The following KIRREL3 variants were observed in gnomAD, a reference collection of about 807,000 sequenced individuals.
The protein encoded by KIRREL3 is kirre like nephrin family adhesion molecule 3.
Under a neutral mutation model 89.7 loss-of-function variants are expected in KIRREL3, and 36 were observed. The ratio of observed to expected loss-of-function variants is 0.40; its 90% CI spans 0.31 to 0.53. The LOEUF is 0.53. Ranked by LOEUF, KIRREL3 falls within the 20% of genes least tolerant of loss-of-function variation. The pLI is 0.49. For missense variants in KIRREL3, 864 were observed against 1,056.6 expected (o/e 0.82, Z 2.53); for synonymous variants, 445 against 441.4 (o/e 1.01, Z -0.10).
At position 126,710,732 on chromosome 11, in the gene KIRREL3, T is replaced by C. The variant is rs1412550038; in HGVS notation, c.56-147820A>G. ...TAAGTGTCTCAAATAAAGTTTTGTT[T>C]TAGGCTAAATAAGAAAAGTGATACC... is the stretch of plus-strand genomic sequence containing the variant. On this transcript the variant is annotated intron_variant, in intron 1 of 16. Transcript: ENST00000525144. This position sits in a 1 kb window ranked among gnomAD's most constrained non-coding sequence, Gnocchi z 4.2. 6.6e-6 allele frequency among the ~76,000 whole-genome samples: 1 copy of C among 152,150 alleles called. No individual in the cohort carries two copies. Among genetic ancestry groups the C allele is most frequent in the East Asian group, 1.9e-4 (1 of 5,188 alleles).
rs1420842427 is a variant in KIRREL3 at position 126,807,991 on chromosome 11, T to TTA, written c.55+192463_55+192464insTA. ...TGGTGTTATTTTTCCCAAATGCACA[T>TTA]TTGTGTGAGGCTCAGCACTGGATAA... is the stretch of plus-strand genomic sequence containing the variant. On this transcript the variant is annotated intron_variant, in intron 1 of 16. Transcript: ENST00000525144. This position sits in a 1 kb window ranked among gnomAD's most constrained non-coding sequence, Gnocchi z 4.3. Among the ~76,000 whole-genome samples the TTA allele has an allele frequency of 1.4e-4, 22 of 152,246 alleles. No homozygotes were observed. Among genetic ancestry groups the TTA allele is most frequent in the Non-Finnish European group, 2.4e-4 (16 of 68,042 alleles).
rs1173979282 is a variant in KIRREL3 at position 126,635,254 on chromosome 11, G to T, written c.56-72342C>A. Among the ~76,000 whole-genome samples, 1 of 152,192 alleles carries T rather than the reference G, an allele frequency of 6.6e-6. No individual in the cohort carries two copies. The highest frequency in any genetic ancestry group is 2.4e-5 in the African/African-American group (1 of 41,450). The stretch of plus-strand genomic sequence containing the variant: ...GCTTCCCTTCTAAATCCACTCATGG[G>T]GGGTGCCAGGTGCTTCCCTCCAAGG... On this transcript the variant is annotated intron_variant, in intron 1 of 16. Coordinates refer to ENST00000525144, the MANE Select transcript of KIRREL3 (RefSeq NM_032531.4). This position sits in a 1 kb window ranked among gnomAD's most constrained non-coding sequence, Gnocchi z 4.0.
At chr11:126,509,631 A>G (rs1958136743) in intron 4 of KIRREL3, among the ~76,000 whole-genome samples, 1 of 152,236 alleles carries the variant, frequency 6.6e-6, no homozygotes, top group Admixed American at 6.5e-5. Flanking sequence ...ATTAAAGTCA[A>G]CAGCTTCCAA....
chr11:126,659,323 A>C (rs951752950), intron 1 of KIRREL3, among the ~76,000 whole-genome samples: 1 of 152,360 alleles, frequency 6.6e-6, no homozygotes, highest in East Asian at 1.9e-4. Flanking sequence ...TTCAATGAGA[A>C]AATTCATATT....
chr11:126,865,472 AAGC>A (rs1454303212), intron 1 of KIRREL3, among the ~76,000 whole-genome samples: 1 of 152,206 alleles, frequency 6.6e-6, no homozygotes, highest in African/African-American at 2.4e-5. Flanking sequence ...CGGGTTATCG[AAGC>A]AACAATGCCC....
At chr11:126,804,742 C>T (rs1348973258) in intron 1 of KIRREL3, among the ~76,000 whole-genome samples, 3 of 152,178 alleles carry the variant, frequency 2.0e-5, no homozygotes, top group African/African-American at 7.2e-5. Flanking sequence ...CTGAAAGTAA[C>T]TGAAAATCAT....
rs185268487 is a variant in KIRREL3 at position 126,749,955 on chromosome 11, C to G, written c.56-187043G>C. On this transcript the variant is annotated intron_variant, in intron 1 of 16. Coordinates refer to ENST00000525144, the MANE Select transcript of KIRREL3 (RefSeq NM_032531.4). ...AGTGCGCGTTTTGATGCCACTCATTCTGGGTTTTCAGGTCTGCTCATCTGT... is the reference window on the plus strand; with the variant it reads ...AGTGCGCGTTTTGATGCCACTCATTGTGGGTTTTCAGGTCTGCTCATCTGT... Among the ~76,000 whole-genome samples the G allele has an allele frequency of 2.0e-5, 3 of 152,250 alleles. No individual in the cohort carries two copies. In the East Asian group the frequency reaches 5.8e-4, roughly 29 times the overall value.
rs1954866040 is a variant in KIRREL3 at position 126,424,782 on chromosome 11, T to G, written c.2135A>C (p.Gln712Pro). The change falls in exon 17 of 17, where the codon CAG becomes CCG. Residue 712 changes from glutamine to proline, a missense_variant. Physicochemically the swap from Gln to Pro is moderately conservative, Grantham distance 76. Coordinates refer to ENST00000525144, the MANE Select transcript of KIRREL3 (RefSeq NM_032531.4). ...GCTGCTGTCGCTGAGGGAGCCTCTC[T>G]GGAACTCCCGCTCACAAAGCTCGAT... Reference protein sequence around the residue: ...SSIELCEREFQRGSLSDSSSF... With the variant: ...SSIELCEREFPRGSLSDSSSF... 11 of 1,613,938 alleles carry G rather than the reference T, an allele frequency of 6.8e-6. No homozygotes were observed. Among genetic ancestry groups the G allele is most frequent in the Non-Finnish European group, 9.3e-6 (11 of 1,179,906 alleles).
At position 126,462,207 on chromosome 11, in the gene KIRREL3, G is replaced by A. The variant is rs1956569965; in HGVS notation, c.742+950C>T. 6.6e-6 allele frequency among the ~76,000 whole-genome samples: 1 copy of A among 152,114 alleles called. No individual in the cohort carries two copies. The highest frequency in any genetic ancestry group is 2.4e-5 in the African/African-American group (1 of 41,410). The stretch of plus-strand genomic sequence containing the variant: ...AACTGTCAACATGAATCCTAACACG[G>A]GCCACCGAGGGCTGGCTGGGCAGGA... On this transcript the variant is annotated intron_variant, in intron 6 of 16. Transcript: ENST00000525144. This position sits in a 1 kb window ranked among gnomAD's most constrained non-coding sequence, Gnocchi z 4.8.
chr11:126,840,519 A>C (rs1311860252), intron 1 of KIRREL3, among the ~76,000 whole-genome samples: 1 of 152,090 alleles, frequency 6.6e-6, no homozygotes, highest in African/African-American at 2.4e-5. Context: ...TCCCACCTAC[A>C]CATATTAGTC....
At chr11:126,577,527 A>C (rs912626305) in intron 1 of KIRREL3, among the ~76,000 whole-genome samples, 1 of 147,972 alleles carries the variant, frequency 6.8e-6, no homozygotes, top group Non-Finnish European at 1.5e-5. Flanking sequence ...CAGGTGGATC[A>C]CCTGAGGTCA....
intron 5 of KIRREL3, among the ~76,000 whole-genome samples, chr11:126,466,026 T>G (rs1956711935): frequency 6.6e-6 from 1 of 152,272 alleles, no homozygotes; most frequent in Non-Finnish European, 1.5e-5. Flanking sequence ...AGCTTGACTC[T>G]GCCAGGAGCC....
chr11:126,431,071 A>G lies in KIRREL3; in HGVS notation c.1696+348T>C. On this transcript the variant is annotated intron_variant, in intron 14 of 16. Transcript: ENST00000525144. This position sits in a 1 kb window ranked among gnomAD's most constrained non-coding sequence, Gnocchi z 7.1. The stretch of plus-strand genomic sequence containing the variant: ...TGTTGTAGAGATGGGGTCTCTCTAG[A>G]CTAACAGCTCTTGTAGAGCAAGGAT... 1 of 1,359,660 alleles carries G rather than the reference A, an allele frequency of 7.4e-7. No individual in the cohort carries two copies. Among genetic ancestry groups the G allele is most frequent in the Non-Finnish European group, 9.5e-7 (1 of 1,057,990 alleles). 84.2% of individuals were successfully genotyped at this position (1,359,660 alleles called of 1,614,324 possible).
At chr11:126,828,808 AT>A (rs1439696702) in intron 1 of KIRREL3, among the ~76,000 whole-genome samples, 2 of 152,162 alleles carry the variant, frequency 1.3e-5, no homozygotes, top group Admixed American at 6.5e-5. Context: ...TTTAATTTTT[AT>A]GTTTTTAAGA....
At chr11:126,818,871 G>A (rs1951674496) in intron 1 of KIRREL3, among the ~76,000 whole-genome samples, 1 of 152,054 alleles carries the variant, frequency 6.6e-6, no homozygotes, top group Non-Finnish European at 1.5e-5. Flanking sequence ...TTTTACAGCT[G>A]TTTGACTTCC....
At chr11:126,549,203 A>G (rs552750683) in intron 2 of KIRREL3, 1 of 152,300 alleles carries the variant, frequency 6.6e-6, no homozygotes, top group South Asian at 2.1e-4. Context: ...CATTATGTGT[A>G]TTTCAAACCG....
rs1950628698 is a variant in KIRREL3, at chr11:126,791,182, A to C, written c.55+209273T>G. ...GCGCTGCCTGGCTGCTTCAGAAGAA[A>C]AGTCTGTGTTTAGGAAACCTCTTAT... On this transcript the variant is annotated intron_variant, in intron 1 of 16. Coordinates refer to ENST00000525144, the MANE Select transcript of KIRREL3 (RefSeq NM_032531.4). The surrounding 1 kb of genome is among the most constrained non-coding windows in gnomAD (Gnocchi z 4.8). Among the ~76,000 whole-genome samples the C allele has an allele frequency of 1.3e-5, 2 of 152,296 alleles. No homozygotes were observed. The highest frequency in any genetic ancestry group is 1.3e-4 in the Admixed American group (2 of 15,306).
At chr11:126,700,688 C>G (rs1353562126) in intron 1 of KIRREL3, among the ~76,000 whole-genome samples, 1 of 152,160 alleles carries the variant, frequency 6.6e-6, no homozygotes, top group South Asian at 2.1e-4. Context: ...CTCTGAGGAG[C>G]CCAGGCATTG....
rs1238737972 is a variant in KIRREL3, at chr11:126,627,418, G to C, written c.56-64506C>G. On this transcript the variant is annotated intron_variant, in intron 1 of 16. Coordinates refer to ENST00000525144, the MANE Select transcript of KIRREL3 (RefSeq NM_032531.4). The surrounding 1 kb of genome is among the most constrained non-coding windows in gnomAD (Gnocchi z 5.0). ...TTATTGCTTAGGCTGGCTTTTGGGT[G>C]GTCCTTGCTGGGACAACCAGTGGCG... Among the ~76,000 whole-genome samples, 1 of 152,170 alleles carries C rather than the reference G, an allele frequency of 6.6e-6. No homozygotes were observed. The highest frequency in any genetic ancestry group is 1.9e-4 in the East Asian group (1 of 5,186).
Sources: gnomAD v4.1 joint callset for allele counts (sites outside exome capture counted in the v4.1 genomes callset) on GRCh38, gnomAD v4.1.1 for gene constraint, Gnocchi (gnomAD v3.1) non-coding constraint, MANE v1.5 for transcripts, NCBI Gene and HGNC (gene_info 2026-07-23, HGNC 2026-07-21) for gene names.